Variants in CFAP57 observed in about 807,000 individuals in gnomAD.
CFAP57 encodes the protein cilia- and flagella-associated protein 57.
A neutral mutation model predicts 146.8 loss-of-function variants in CFAP57; 116 were observed. That is an observed-to-expected ratio of 0.79 (90% CI 0.68 to 0.92). The LOEUF is 0.92. Among genes scored for constraint, CFAP57 ranks in the 40% least tolerant of loss-of-function variants. The probability of loss-of-function intolerance (pLI) is 0.00; values close to 1 mark genes in which losing one functional copy is unlikely to be tolerated. For synonymous variants in CFAP57, 518 were observed against 552.8 expected, an observed-to-expected ratio of 0.94 and a Z score of 0.88; for missense variants, 1,377 against 1,527.2, an observed-to-expected ratio of 0.90 and a Z score of 1.64.
At chr1:43,191,054 A>G (rs1643487498) in intron 6 of CFAP57, among the ~76,000 whole-genome samples, 1 of 152,096 alleles carries the variant, frequency 6.6e-6, no homozygotes. Context: ...ATTCTTCTTT[A>G]AGTGTTTGGT....
rs925910466 is a variant in CFAP57, at chr1:43,221,293, G to T, written c.2248-79G>T. 7 of 1,021,430 alleles carry T rather than the reference G, an allele frequency of 6.9e-6. No homozygotes were observed. In the African/African-American group the frequency reaches 8.1e-5, roughly 12 times the overall value. 63.3% of individuals were successfully genotyped at this position (1,021,430 alleles called of 1,614,324 possible). A position where few individuals can be genotyped will look rare whatever the true frequency, so the allele number is the denominator to read the frequency against. On this transcript the variant is annotated intron_variant, in intron 13 of 22. Coordinates refer to ENST00000372492, the MANE Select transcript of CFAP57 (RefSeq NM_001378189.1). Reference sequence around the variant, plus strand: ...GAAATGTTTGTGAGTGAAGGAGGGTGTTACTTGTAAAATCAGTTCTTGCCC... The same window carrying T: ...GAAATGTTTGTGAGTGAAGGAGGGTTTTACTTGTAAAATCAGTTCTTGCCC...
At chr1:43,185,430 G>C (rs1035700740) in intron 5 of CFAP57, 74 bp downstream of exon 5, 2 of 1,393,894 alleles carry the variant, frequency 1.4e-6, no homozygotes, top group Non-Finnish European at 2.0e-6. Context: ...AGTTCTCTGA[G>C]AAGGCATCTG....
intron 13 of CFAP57, among the ~76,000 whole-genome samples, chr1:43,219,955 A>AAAATAAAT (rs371475523): frequency 0.046 from 6,960 of 152,066 alleles, 247 homozygotes; most frequent in African/African-American, 0.1. Context: ...ACTCTGTCTA[A>AAAATAAAT]AAATAAATAA....
In CFAP57 at chr1:43,238,627, C is replaced by T. The variant is rs1027670228; in HGVS notation, c.3405+3989C>T. On this transcript the variant is annotated intron_variant, in intron 21 of 22. Transcript: ENST00000372492. The surrounding 1 kb of genome is among the most constrained non-coding windows in gnomAD (Gnocchi z 4.3). The stretch of plus-strand genomic sequence containing the variant: ...CAAAGCCATCCAAAGCAAAAACGGT[C>T]GACCTCAATGTGACCTCGGGACCCC... Among the ~76,000 whole-genome samples, 2 of 152,166 alleles carry T rather than the reference C, an allele frequency of 1.3e-5. No homozygotes were observed. Among genetic ancestry groups the T allele is most frequent in the Non-Finnish European group, 2.9e-5 (2 of 68,040 alleles).
chr1:43,210,337 A>G (rs1264709974), intron 11 of CFAP57: 1 of 1,380,640 alleles, frequency 7.2e-7, no homozygotes, highest in African/African-American at 1.5e-5. Flanking sequence ...GGGCAATACC[A>G]TGAGTACACA....
intron 8 of CFAP57, 84 bp downstream of exon 8, chr1:43,198,730 G>A (rs1003202722): frequency 4.7e-6 from 7 of 1,473,950 alleles, no homozygotes; most frequent in Non-Finnish European, 6.6e-6. Flanking sequence ...GATCTGGGGA[G>A]GTGGGACCAA....
In CFAP57 at chr1:43,219,748, G is replaced by A. The variant is rs112198900; in HGVS notation, c.2247+211G>A. On this transcript the variant is annotated intron_variant, in intron 13 of 22. Coordinates refer to ENST00000372492, the MANE Select transcript of CFAP57 (RefSeq NM_001378189.1). The stretch of plus-strand genomic sequence containing the variant: ...TCCCAGCACTTTGGGAGGCCAAGGC[G>A]GGCAGACCACTTGAGGTCAGGAGTT... 3,932 of 482,122 alleles carry A rather than the reference G, an allele frequency of 8.2e-3. 26 individuals are homozygous for A. Among genetic ancestry groups the A allele is most frequent in the Non-Finnish European group, 0.012 (3,415 of 274,234 alleles). 29.9% of individuals were successfully genotyped at this position (482,122 alleles called of 1,614,324 possible).
chr1:43,228,313 C>A (rs144787731), intron 18 of CFAP57, among the ~76,000 whole-genome samples: 246 of 152,368 alleles, frequency 1.6e-3, no homozygotes, highest in African/African-American at 5.5e-3. Context: ...GCTCTTCCCC[C>A]AGATCGCCAC....
At chr1:43,210,583 A>C (rs1187203570) in intron 11 of CFAP57, 3 of 255,344 alleles carry the variant, frequency 1.2e-5, no homozygotes, top group African/African-American at 6.9e-5. Flanking sequence ...CAAAAAGATA[A>C]GTACAGTGTG....
intron 17 of CFAP57, among the ~76,000 whole-genome samples, chr1:43,226,340 A>G (rs983608325): frequency 1.1e-4 from 17 of 152,340 alleles, no homozygotes; most frequent in African/African-American, 4.1e-4. Context: ...CTGGAAGATC[A>G]ACATCCAATG....
At chr1:43,218,482 C>G (rs1644920569) in intron 12 of CFAP57, among the ~76,000 whole-genome samples, 1 of 151,894 alleles carries the variant, frequency 6.6e-6, no homozygotes, top group Non-Finnish European at 1.5e-5. Flanking sequence ...GTGGGGCATG[C>G]CTGTAGTCCC....
chr1:43,181,521 C>T lies in CFAP57; in HGVS notation c.158-13C>T. 6.2e-7 allele frequency: 1 copy of T among 1,613,950 alleles called. No individual in the cohort carries two copies. The highest frequency in any genetic ancestry group is 8.5e-7 in the Non-Finnish European group (1 of 1,180,006). ...GATCTACCCTGATTATTTCCTTTTT[C>T]CTCTGTTTGCAGGCTCAGAGAAGAG... On this transcript the variant is annotated splice_polypyrimidine_tract_variant and intron_variant, in intron 2 of 22. Coordinates refer to ENST00000372492, the MANE Select transcript of CFAP57 (RefSeq NM_001378189.1).
intron 22 of CFAP57, among the ~76,000 whole-genome samples, chr1:43,248,246 C>G (rs1202450605): frequency 2.0e-5 from 3 of 151,432 alleles, no homozygotes; most frequent in African/African-American, 7.3e-5. Context: ...ACCTTCCTTA[C>G]CAAAAAATAT....
At chr1:43,225,570 T>A (rs1286495523) in intron 17 of CFAP57, among the ~76,000 whole-genome samples, 1 of 152,112 alleles carries the variant, frequency 6.6e-6, no homozygotes, top group Non-Finnish European at 1.5e-5. Flanking sequence ...CTCACCTCCC[T>A]CCTCTATTTC....
intron 21 of CFAP57, among the ~76,000 whole-genome samples, chr1:43,242,772 C>A (rs1210814858): frequency 6.6e-6 from 1 of 152,032 alleles, no homozygotes; most frequent in Non-Finnish European, 1.5e-5. Flanking sequence ...AAGTCATATA[C>A]CTCTCTGTGC....
intron 21 of CFAP57, among the ~76,000 whole-genome samples, chr1:43,236,854 A>T (rs1306705743): frequency 6.6e-6 from 1 of 151,552 alleles, no homozygotes; most frequent in Non-Finnish European, 1.5e-5. Flanking sequence ...GCTTGCAGTG[A>T]GCCAAGATCG....
chr1:43,250,246 T>A (rs1174989903), intron 22 of CFAP57: 3 of 152,180 alleles, frequency 2.0e-5, no homozygotes, highest in Admixed American at 6.5e-5. Flanking sequence ...GAAATGCCAA[T>A]ACAAGCGTAC....
Position 43,238,566 on chromosome 1 carries a change from G to T in CFAP57, c.3405+3928G>T, listed in dbSNP as rs1480476726. 6.6e-6 allele frequency among the ~76,000 whole-genome samples: 1 copy of T among 152,136 alleles called. No homozygotes were observed. Among genetic ancestry groups the T allele is most frequent in the African/African-American group, 2.4e-5 (1 of 41,420 alleles). ...ACAAGGGAGAGATCAGGAAGAGAAG[G>T]CTCGGCAAACCCATTGCATTCACAT... On this transcript the variant is annotated intron_variant, in intron 21 of 22. Coordinates refer to ENST00000372492, the MANE Select transcript of CFAP57 (RefSeq NM_001378189.1). This position sits in a 1 kb window ranked among gnomAD's most constrained non-coding sequence, Gnocchi z 4.3.
intron 2 of CFAP57, chr1:43,177,226 C>T (rs1645208068): frequency 4.4e-6 from 2 of 456,106 alleles, no homozygotes; most frequent in South Asian, 3.1e-5. Flanking sequence ...GAGATAATGG[C>T]ACTTGGAGCA....
Sources: allele counts gnomAD v4.1 joint callset (sites outside exome capture counted in the v4.1 genomes callset), GRCh38; gene constraint gnomAD v4.1.1; non-coding constraint Gnocchi (gnomAD v3.1); transcripts MANE v1.5; gene names NCBI Gene and HGNC (gene_info 2026-07-23, HGNC 2026-07-21).